EGFR: variants seen among roughly 807,000 people sequenced by gnomAD.
EGFR encodes the protein epidermal growth factor receptor, also known as avian erythroblastic leukemia viral (v-erb-b) oncogene homolog.
EGFR carries 58 observed loss-of-function variants against 143.0 expected under a neutral mutation model. The ratio of observed to expected loss-of-function variants is 0.41; its 90% confidence interval spans 0.33 to 0.50. The LOEUF (loss-of-function observed/expected upper bound fraction) is 0.50. Ranked by LOEUF, EGFR falls within the 20% of genes least tolerant of loss-of-function variation. The pLI is 0.39. For missense variants in EGFR, 1,307 were observed against 1,579.0 expected, an observed-to-expected ratio of 0.83 and a Z score of 2.92; for synonymous variants, 613 against 594.4, an observed-to-expected ratio of 1.03 and a Z score of -0.45.
rs546393765 is a variant in EGFR, at chr7:55,067,663, T to C, written c.88+48298T>C. 1.7e-3 allele frequency among the ~76,000 whole-genome samples: 256 copies of C among 151,722 alleles called. 3 individuals are homozygous for C. Among genetic ancestry groups the C allele is most frequent in the Middle Eastern group, 3.4e-3 (1 of 294 alleles). The stretch of plus-strand genomic sequence containing the variant: ...ATTTTTTCCTGAGGGGAAATATTTT[T>C]AAATTTTAAAATATTTAATTGACAA... On this transcript the variant is annotated intron_variant, in intron 1 of 27. Transcript: ENST00000275493.
Position 55,185,210 on chromosome 7 carries a change from A to G in EGFR, c.2469+3732A>G, listed in dbSNP as rs6970776. Among the ~76,000 whole-genome samples, 880 of 152,346 alleles carry G rather than the reference A, an allele frequency of 5.8e-3. 12 individuals carry two copies. Among genetic ancestry groups the G allele is most frequent in the African/African-American group, 0.02 (847 of 41,576 alleles). ...ATCCATATGAGACCAGTAGACCATGAGAGAGACATCCCTTGCCATCTACAA... is the reference window on the plus strand; with the variant it reads ...ATCCATATGAGACCAGTAGACCATGGGAGAGACATCCCTTGCCATCTACAA... On this transcript the variant is annotated intron_variant, in intron 20 of 27. Coordinates refer to ENST00000275493, the MANE Select transcript of EGFR (RefSeq NM_005228.5).
At chr7:55,110,156 AT>A (rs1792388564) in intron 1 of EGFR, among the ~76,000 whole-genome samples, 1 of 152,136 alleles carries the variant, frequency 6.6e-6, no homozygotes, top group African/African-American at 2.4e-5. Context: ...AATTTACCTT[AT>A]TTTTAAAAGA....
intron 27 of EGFR, chr7:55,203,077 TACTC>T (rs1390975563): frequency 3.5e-6 from 1 of 281,812 alleles, no homozygotes; most frequent in Non-Finnish European, 6.7e-6. Flanking sequence ...TTTATCCAGA[TACTC>T]ATAACCTGCT....
intron 16 of EGFR, among the ~76,000 whole-genome samples, chr7:55,172,257 C>G (rs1269790236): frequency 1.3e-5 from 2 of 152,206 alleles, no homozygotes; most frequent in African/African-American, 2.4e-5. Flanking sequence ...GATATGCGCT[C>G]CATAGCAAAT....
intron 1 of EGFR, among the ~76,000 whole-genome samples, chr7:55,076,322 A>T (rs141162016): frequency 1.3e-5 from 2 of 152,204 alleles, no homozygotes; most frequent in Non-Finnish European, 2.9e-5. Flanking sequence ...CTTCAATCTA[A>T]TGGGAAATGC....
At position 55,184,012 on chromosome 7, in the gene EGFR, C is replaced by T. The variant is rs577093691; in HGVS notation, c.2469+2534C>T. On this transcript the variant is annotated intron_variant, in intron 20 of 27. Transcript: ENST00000275493. Reference sequence around the variant, plus strand: ...AGGGGCACGTAGTCTTGGCAGGTTTCGCTCAATATAGGATGAGCTCAGGAC... The same window carrying T: ...AGGGGCACGTAGTCTTGGCAGGTTTTGCTCAATATAGGATGAGCTCAGGAC... Among the ~76,000 whole-genome samples the T allele has an allele frequency of 3.3e-5, 5 of 152,346 alleles. No homozygotes were observed. In the East Asian group the frequency reaches 5.8e-4, roughly 18 times the overall value.
At position 55,173,093 on chromosome 7, in the gene EGFR, G is replaced by A. The variant is rs756870976; in HGVS notation, c.2030G>A (p.Arg677His). The A allele has an allele frequency of 2.4e-5, 38 of 1,612,200 alleles. No individual in the cohort carries two copies. Among genetic ancestry groups the A allele is most frequent in the African/African-American group, 4.0e-5 (3 of 74,932 alleles). Residue 677 changes from arginine to histidine, a missense_variant, in exon 17 of 28, where the codon CGC becomes CAC. By Grantham distance (29) the Arg-to-His change is conservative. Coordinates refer to ENST00000275493, the MANE Select transcript of EGFR (RefSeq NM_005228.5). ...FMRRRHIVRKRTLRRLLQERE... is the reference protein window; with the variant it reads ...FMRRRHIVRKHTLRRLLQERE... ...CGAAGGCGCCACATCGTTCGGAAGC[G>A]CACGCTGCGGAGGCTGCTGCAGGAG...
intron 1 of EGFR, among the ~76,000 whole-genome samples, chr7:55,077,578 G>A (rs1014447070): frequency 6.6e-6 from 1 of 152,114 alleles, no homozygotes; most frequent in African/African-American, 2.4e-5. Flanking sequence ...GCATGATTAT[G>A]ATATAATTAA....
chr7:55,179,109 A>G (rs1786736248), intron 19 of EGFR, among the ~76,000 whole-genome samples: 1 of 152,258 alleles, frequency 6.6e-6, no homozygotes, highest in Non-Finnish European at 1.5e-5. Flanking sequence ...GCAGAGCGCC[A>G]GCTAGACCCT....
At chr7:55,032,777 A>C (rs1009831743) in intron 1 of EGFR, among the ~76,000 whole-genome samples, 3 of 152,152 alleles carry the variant, frequency 2.0e-5, no homozygotes, top group African/African-American at 7.2e-5. Context: ...TTCTGGCCAT[A>C]AGATAGAATA....
At chr7:55,145,796 T>TGAGG (rs1794729794) in intron 3 of EGFR, among the ~76,000 whole-genome samples, 1 of 152,196 alleles carries the variant, frequency 6.6e-6, no homozygotes, top group Non-Finnish European at 1.5e-5. Flanking sequence ...TGTCAGGGTC[T>TGAGG]CCCTGGGCAT....
chr7:55,021,605 T>A (rs1310842313), intron 1 of EGFR, among the ~76,000 whole-genome samples: 1 of 152,220 alleles, frequency 6.6e-6, no homozygotes, highest in East Asian at 1.9e-4. Flanking sequence ...AGGGGCAAAT[T>A]ATTAAAATAG....
intron 26 of EGFR, 69 bp from the exon 27 acceptor site, chr7:55,202,448 G>A (rs1467748512): frequency 3.0e-6 from 4 of 1,317,902 alleles, no homozygotes; most frequent in African/African-American, 2.9e-5. Context: ...GAGATCTCGG[G>A]TGATTTTTGC....
At chr7:55,183,450 A>G (rs564803866) in intron 20 of EGFR, among the ~76,000 whole-genome samples, 18 of 152,274 alleles carry the variant, frequency 1.2e-4, no homozygotes, top group South Asian at 4.1e-4. Flanking sequence ...TTTTAACTAG[A>G]TTTGCAAAAC....
intron 20 of EGFR, among the ~76,000 whole-genome samples, chr7:55,188,202 G>A (rs1012748885): frequency 8.5e-5 from 13 of 152,152 alleles, no homozygotes; most frequent in African/African-American, 7.2e-5. Context: ...CGGCCTTCTC[G>A]TCCTCCCCTC....
chr7:55,178,811 T>C (rs576525771), intron 19 of EGFR, among the ~76,000 whole-genome samples: 2 of 152,364 alleles, frequency 1.3e-5, no homozygotes, highest in South Asian at 4.1e-4. Context: ...ATAGAGAGCC[T>C]AAACACTCTG....
At chr7:55,146,154 C>T (rs1016738160) in intron 3 of EGFR, among the ~76,000 whole-genome samples, 2 of 151,848 alleles carry the variant, frequency 1.3e-5, no homozygotes, top group African/African-American at 2.4e-5. Flanking sequence ...TGAAAAGCTC[C>T]GCCTGGGCAT....
At chr7:55,200,937 T>C in intron 24 of EGFR, 1 of 568,748 alleles carries the variant, frequency 1.8e-6, no homozygotes, top group South Asian at 2.0e-5. Context: ...CCCTTTCTGT[T>C]TCCTCAGAAG....
At chr7:55,034,270 T>C (rs1408662612) in intron 1 of EGFR, among the ~76,000 whole-genome samples, 3 of 152,212 alleles carry the variant, frequency 2.0e-5, no homozygotes, top group East Asian at 1.9e-4. Flanking sequence ...GTCTCACTTT[T>C]TTCCCCAGGC....
Sources: allele counts gnomAD v4.1 joint callset (sites outside exome capture counted in the v4.1 genomes callset), GRCh38; gene constraint gnomAD v4.1.1; transcripts MANE v1.5; gene names NCBI Gene and HGNC (gene_info 2026-07-23, HGNC 2026-07-21).